MYO18A: variants seen among roughly 807,000 people sequenced by gnomAD.
The protein encoded by MYO18A is unconventional myosin-XVIIIa.
MYO18A carries 78 observed loss-of-function variants against 235.8 expected under a neutral mutation model. The ratio of observed to expected loss-of-function variants is 0.33; its 90% confidence interval spans 0.28 to 0.40. MYO18A has a LOEUF of 0.40. MYO18A is among the 10% of genes least tolerant of loss of function. The probability of loss-of-function intolerance (pLI) is 1.00; values close to 1 mark genes in which losing one functional copy is unlikely to be tolerated. For synonymous variants in MYO18A, 977 were observed against 1,077.8 expected (o/e 0.91, Z 1.83); for missense variants, 2,215 against 2,699.3 (o/e 0.82, Z 3.98).
intron 41 of MYO18A, chr17:29,077,096 G>C (rs1326867710): frequency 6.6e-6 from 1 of 152,324 alleles, no homozygotes; most frequent in East Asian, 1.9e-4. Context: ...GCTGGGCAGT[G>C]GCAGGAGCTG....
In MYO18A at chr17:29,094,633, G is replaced by C. The variant is rs757620556; in HGVS notation, c.4710+17C>G. 1.2e-6 allele frequency: 2 copies of C among 1,613,788 alleles called. No homozygotes were observed. The highest frequency in any genetic ancestry group is 1.7e-6 in the Non-Finnish European group (2 of 1,179,714). On this transcript the variant is annotated intron_variant, in intron 30 of 41. Transcript: ENST00000527372. Reference sequence around the variant, plus strand: ...CTCGCTGCACCTCACCTCTCCCTTGGCCAAGCCCTCCTGTACCTGTTCCAG... The same window carrying C: ...CTCGCTGCACCTCACCTCTCCCTTGCCCAAGCCCTCCTGTACCTGTTCCAG...
chr17:29,141,916 G>A (rs2067747002), intron 2 of MYO18A, among the ~76,000 whole-genome samples: 4 of 152,340 alleles, frequency 2.6e-5, no homozygotes, highest in Admixed American at 2.6e-4. Flanking sequence ...AATTGGTCTG[G>A]GAGCAGGGGC....
At position 29,074,373 on chromosome 17, in the gene MYO18A, A is replaced by G. The variant is rs1033999075; in HGVS notation, c.*397T>C. ...GGAAGGCACTGCTTCTCCTCCCCCAATCCTCCCCATGGACCCAGCAACCTA... is the reference window on the plus strand; with the variant it reads ...GGAAGGCACTGCTTCTCCTCCCCCAGTCCTCCCCATGGACCCAGCAACCTA... On this transcript the variant is annotated 3_prime_UTR_variant, in exon 42 of 42. Transcript: ENST00000527372. This position sits in a 1 kb window ranked among gnomAD's most constrained non-coding sequence, Gnocchi z 4.4. The G allele has an allele frequency of 3.1e-5, 20 of 653,210 alleles. No individual in the cohort carries two copies. The highest frequency in any genetic ancestry group is 1.9e-4 in the South Asian group (9 of 48,038). The allele number at this position is 653,210 out of a possible 1,614,324, so 40.5% of individuals were successfully genotyped here.
At chr17:29,091,869 G>A in intron 34 of MYO18A, 1 of 325,444 alleles carries the variant, frequency 3.1e-6, no homozygotes, top group Non-Finnish European at 6.1e-6. Flanking sequence ...GCCGATGGAT[G>A]GGCCGTGGGA....
chr17:29,141,449 A>AG (rs1313486838), intron 2 of MYO18A, among the ~76,000 whole-genome samples: 1 of 143,464 alleles, frequency 7.0e-6, no homozygotes, highest in Non-Finnish European at 1.5e-5. Flanking sequence ...AAAAAAAAAA[A>AG]TGGGGTGGGG....
intron 2 of MYO18A, among the ~76,000 whole-genome samples, chr17:29,142,175 G>A (rs915619439): frequency 6.6e-6 from 1 of 152,154 alleles, no homozygotes; most frequent in African/African-American, 2.4e-5. Flanking sequence ...CTCGTGATCC[G>A]CCCGCCTTGG....
At chr17:29,075,674 CA>C (rs2065956070) in intron 41 of MYO18A, 1 of 165,528 alleles carries the variant, frequency 6.0e-6, no homozygotes, top group African/African-American at 2.4e-5. Flanking sequence ...AGCAGGATCA[CA>C]GCACTGAACA....
At chr17:29,154,622 G>T (rs900466872) in intron 2 of MYO18A, among the ~76,000 whole-genome samples, 1 of 152,216 alleles carries the variant, frequency 6.6e-6, no homozygotes, top group Non-Finnish European at 1.5e-5. Flanking sequence ...ATGGCCAAGT[G>T]AGTGGGGACT....
chr17:29,119,594 C>T (rs952956922), intron 7 of MYO18A, among the ~76,000 whole-genome samples, 159 bp from the exon 8 acceptor site: 5 of 147,180 alleles, frequency 3.4e-5, no homozygotes, highest in African/African-American at 1.3e-4. Flanking sequence ...GATGGAGTCT[C>T]ACTCTGTCAC....
chr17:29,155,011 G>C lies in MYO18A; in HGVS notation c.999+10931C>G, dbSNP rs150964550. Reference sequence around the variant, plus strand: ...TGGAATCTCTAGATACTTTCCCCTTGATGTGTTGGGGCCGGGCATGAAACT... The same window carrying C: ...TGGAATCTCTAGATACTTTCCCCTTCATGTGTTGGGGCCGGGCATGAAACT... On this transcript the variant is annotated intron_variant, in intron 2 of 41. Transcript: ENST00000527372. Among the ~76,000 whole-genome samples the C allele has an allele frequency of 3.9e-5, 6 of 152,300 alleles. No individual in the cohort carries two copies. In the East Asian group the frequency reaches 9.7e-4, roughly 25 times the overall value.
chr17:29,080,866 C>T (rs1272983741), intron 41 of MYO18A: 1 of 985,406 alleles, frequency 1.0e-6, no homozygotes. Context: ...CGCCCGCTCG[C>T]TCAGGGAGGT....
chr17:29,158,925 G>A lies in MYO18A; in HGVS notation c.999+7017C>T, dbSNP rs1372584430. Among the ~76,000 whole-genome samples the A allele has an allele frequency of 6.6e-6, 1 of 152,134 alleles. No homozygotes were observed. Among genetic ancestry groups the A allele is most frequent in the African/African-American group, 2.4e-5 (1 of 41,410 alleles). Reference sequence around the variant, plus strand: ...AGAGATTAGAAGGGAGCAGAGGGCAGGGTGACTTGGGGTGTCAGGGCAGGC... The same window carrying A: ...AGAGATTAGAAGGGAGCAGAGGGCAAGGTGACTTGGGGTGTCAGGGCAGGC... On this transcript the variant is annotated intron_variant, in intron 2 of 41. Coordinates refer to ENST00000527372, the MANE Select transcript of MYO18A (RefSeq NM_078471.4). The surrounding 1 kb of genome is among the most constrained non-coding windows in gnomAD (Gnocchi z 4.3).
chr17:29,174,978 A>G (rs1168104724), intron 1 of MYO18A, among the ~76,000 whole-genome samples: 1 of 152,250 alleles, frequency 6.6e-6, no homozygotes, highest in Non-Finnish European at 1.5e-5. Flanking sequence ...AAAAACCTAT[A>G]TCTATATATG....
chr17:29,121,964 G>C lies in MYO18A; in HGVS notation c.1088-7C>G. 6.2e-7 allele frequency: 1 copy of C among 1,613,452 alleles called. No individual in the cohort carries two copies. The highest frequency in any genetic ancestry group is 8.5e-7 in the Non-Finnish European group (1 of 1,179,588). ...TCAGATTTGAGTTGACTGGCTGCAGGGGAGGGACAGACAGCTGGGATGGGC... is the reference window on the plus strand; with the variant it reads ...TCAGATTTGAGTTGACTGGCTGCAGCGGAGGGACAGACAGCTGGGATGGGC... On this transcript the variant is annotated splice_region_variant and splice_polypyrimidine_tract_variant and intron_variant, in intron 3 of 41. Coordinates refer to ENST00000527372, the MANE Select transcript of MYO18A (RefSeq NM_078471.4). The surrounding 1 kb of genome is among the most constrained non-coding windows in gnomAD (Gnocchi z 4.2).
At chr17:29,119,676 G>T (rs942213514) in intron 7 of MYO18A, among the ~76,000 whole-genome samples, 2 of 150,478 alleles carry the variant, frequency 1.3e-5, no homozygotes, top group Admixed American at 6.7e-5. Flanking sequence ...CAATTCTCCT[G>T]CCTTGGCCTC....
In MYO18A at chr17:29,088,159, A is replaced by G. The variant is rs1310781579; in HGVS notation, c.5527-1038T>C. Among the ~76,000 whole-genome samples, 3 of 141,820 alleles carry G rather than the reference A, an allele frequency of 2.1e-5. No homozygotes were observed. The South Asian group carries it at 6.6e-4, about 31-fold the overall frequency. 93.0% of individuals were successfully genotyped at this position (141,820 alleles called of 152,430 possible). A position where few individuals can be genotyped will look rare whatever the true frequency, so the allele number is the denominator to read the frequency against. Reference sequence around the variant, plus strand: ...GGCTCCGCCCCCCGGGGTTCACGCCATTCTCCTGCCTCAGCCTCCGGAGTA... The same window carrying G: ...GGCTCCGCCCCCCGGGGTTCACGCCGTTCTCCTGCCTCAGCCTCCGGAGTA... On this transcript the variant is annotated intron_variant, in intron 37 of 41. Coordinates refer to ENST00000527372, the MANE Select transcript of MYO18A (RefSeq NM_078471.4).
At chr17:29,159,950 C>T (rs1215627230) in intron 2 of MYO18A, among the ~76,000 whole-genome samples, 2 of 152,178 alleles carry the variant, frequency 1.3e-5, no homozygotes, top group African/African-American at 4.8e-5. Flanking sequence ...GCCATCTCTC[C>T]CTTCAGATGG....
chr17:29,173,665 C>T (rs909100511), intron 1 of MYO18A, among the ~76,000 whole-genome samples: 3 of 152,206 alleles, frequency 2.0e-5, no homozygotes, highest in African/African-American at 4.8e-5. Context: ...GGATTACAGG[C>T]GTGAGCCACC....
Position 29,072,077 on chromosome 17 carries a change from G to T in MYO18A, c.*2693C>A, listed in dbSNP as rs2065889966. On this transcript the variant is annotated 3_prime_UTR_variant, in exon 42 of 42. Transcript: ENST00000527372. ...GACTCAGTATGAGTGAACAGATTTG[G>T]GAATTCATCTAAAGGTGGCAGGGAG... is the stretch of plus-strand genomic sequence containing the variant. The T allele has an allele frequency of 6.6e-6, 1 of 152,110 alleles. No homozygotes were observed. The highest frequency in any genetic ancestry group is 2.4e-5 in the African/African-American group (1 of 41,404). 9.4% of individuals were successfully genotyped at this position (152,110 alleles called of 1,614,324 possible).
Sources: gnomAD v4.1 joint callset for allele counts (sites outside exome capture counted in the v4.1 genomes callset) on GRCh38, gnomAD v4.1.1 for gene constraint, Gnocchi (gnomAD v3.1) non-coding constraint, MANE v1.5 for transcripts, NCBI Gene and HGNC (gene_info 2026-07-23, HGNC 2026-07-21) for gene names.